Variants in GUCA1A observed in about 807,000 individuals in gnomAD.
The protein encoded by GUCA1A is guanylate cyclase activator 1A, also known as guanylyl cyclase-activating protein 1.
Under a neutral mutation model 18.5 loss-of-function variants are expected in GUCA1A, and 14 were observed. That is an observed-to-expected ratio of 0.76 (90% CI 0.50 to 1.18). GUCA1A has a LOEUF of 1.18. Ranked by LOEUF, GUCA1A falls within the 50% of genes most tolerant of loss-of-function variation. GUCA1A has a pLI of 0.00. For synonymous variants in GUCA1A, 97 were observed against 100.2 expected, an observed-to-expected ratio of 0.97 and a Z score of 0.19; for missense variants, 264 against 262.4, an observed-to-expected ratio of 1.01 and a Z score of -0.04.
intron 1 of GUCA1A, among the ~76,000 whole-genome samples, chr6:42,175,772 GCCT>G (rs1243967519): frequency 6.6e-6 from 1 of 152,012 alleles, no homozygotes; most frequent in Non-Finnish European, 1.5e-5. Context: ...AGGCAGTCTG[GCCT>G]CCTCCCTTAT....
chr6:42,175,268 AC>A, intron 1 of GUCA1A, among the ~76,000 whole-genome samples: 1 of 142,850 alleles, frequency 7.0e-6, no homozygotes, highest in East Asian at 2.1e-4. Flanking sequence ...CTGCAGAAGG[AC>A]CCTTACAGTC....
At chr6:42,176,909 T>C (rs1366318584) in intron 1 of GUCA1A, among the ~76,000 whole-genome samples, 1 of 152,232 alleles carries the variant, frequency 6.6e-6, no homozygotes, top group East Asian at 1.9e-4. Context: ...AGCTGCATAT[T>C]TACTCTTTGG....
At chr6:42,175,130 C>T (rs939783142) in intron 1 of GUCA1A, among the ~76,000 whole-genome samples, 1 of 152,024 alleles carries the variant, frequency 6.6e-6, no homozygotes, top group Admixed American at 6.6e-5. Flanking sequence ...AAAATGCTCC[C>T]GAAGAAGGAA....
Position 42,173,480 on chromosome 6 carries a change from CCTT to C in GUCA1A, c.-130_-128del. 6 of 719,754 alleles carry C rather than the reference CCTT, an allele frequency of 8.3e-6. No homozygotes were observed. Among genetic ancestry groups the C allele is most frequent in the Non-Finnish European group, 1.5e-5 (6 of 399,240 alleles). 44.6% of individuals were successfully genotyped at this position (719,754 alleles called of 1,614,324 possible). On this transcript the variant is annotated 5_prime_UTR_variant, in exon 1 of 4. Coordinates refer to ENST00000372958, the MANE Select transcript of GUCA1A (RefSeq NM_001384910.1). ...CCCGGTACCATCTGATCCATCAGGCCCTTCTTTGCTCAGGCCTGAAGGACTCAG... is the reference window on the plus strand; with the variant it reads ...CCCGGTACCATCTGATCCATCAGGCCCTTTGCTCAGGCCTGAAGGACTCAG...
intron 3 of GUCA1A, 30 bp from the exon 4 acceptor site, chr6:42,179,213 T>A (rs1768047048): frequency 1.2e-6 from 2 of 1,603,330 alleles, no homozygotes; most frequent in Non-Finnish European, 1.7e-6. Context: ...AACACCCTCC[T>A]CCCCCTGATT....
rs769478535 is a variant in GUCA1A, at chr6:42,179,330, G to A, written c.533G>A (p.Arg178His). 1 of 1,613,708 alleles carries A rather than the reference G, an allele frequency of 6.2e-7. No homozygotes were observed. Among genetic ancestry groups the A allele is most frequent in the Non-Finnish European group, 8.5e-7 (1 of 1,179,700 alleles). ...CTGACACGAAGCCTGGACCTTACCCGCATCGTGCGCAGGCTCCAGAATGGC... is the reference window on the plus strand; with the variant it reads ...CTGACACGAAGCCTGGACCTTACCCACATCGTGCGCAGGCTCCAGAATGGC... ...DTLTRSLDLT[R>H]IVRRLQNGEQ... The change falls in exon 4 of 4, where the codon CGC becomes CAC. Residue 178 changes from arginine (R) to histidine (H), a missense_variant. Coordinates refer to ENST00000372958, the MANE Select transcript of GUCA1A (RefSeq NM_001384910.1).
rs1767866568 is a variant in GUCA1A at position 42,173,612 on chromosome 6, C to A, written c.-2C>A. On this transcript the variant is annotated 5_prime_UTR_variant, in exon 1 of 4. Coordinates refer to ENST00000372958, the MANE Select transcript of GUCA1A (RefSeq NM_001384910.1). ...GACGTCAGCCCCCTGAAGGCCTGAG[C>A]AATGGGCAACGTGATGGAGGGAAAG... The A allele has an allele frequency of 6.2e-7, 1 of 1,612,910 alleles. No homozygotes were observed. The highest frequency in any genetic ancestry group is 8.5e-7 in the Non-Finnish European group (1 of 1,179,114).
At chr6:42,175,255 T>C (rs1478232406) in intron 1 of GUCA1A, among the ~76,000 whole-genome samples, 3 of 150,808 alleles carry the variant, frequency 2.0e-5, no homozygotes, top group Non-Finnish European at 2.9e-5. Context: ...GGTTAAGACA[T>C]GTCTGCAGAA....
At chr6:42,176,150 GGT>G (rs1261595409) in intron 1 of GUCA1A, among the ~76,000 whole-genome samples, 1 of 152,152 alleles carries the variant, frequency 6.6e-6, no homozygotes, top group Admixed American at 6.5e-5. Flanking sequence ...GATTGTGGCA[GGT>G]GCTTAATAAT....
chr6:42,177,896 C>T (rs924622591), intron 1 of GUCA1A, among the ~76,000 whole-genome samples: 1 of 152,256 alleles, frequency 6.6e-6, no homozygotes, highest in African/African-American at 2.4e-5. Flanking sequence ...TTCCTCCTCC[C>T]ACCTACGCAC....
In GUCA1A at chr6:42,179,341, A is replaced by T; in HGVS notation, c.544A>T (p.Arg182Trp). ...CCTGGACCTTACCCGCATCGTGCGCAGGCTCCAGAATGGCGAGCAAGACGA... is the reference window on the plus strand; with the variant it reads ...CCTGGACCTTACCCGCATCGTGCGCTGGCTCCAGAATGGCGAGCAAGACGA... ...RSLDLTRIVRRLQNGEQDEEG... is the reference protein window; with the variant it reads ...RSLDLTRIVRWLQNGEQDEEG... The change falls in exon 4 of 4, where the codon AGG becomes TGG. Residue 182 changes from arginine (R) to tryptophan (W), a missense_variant. Transcript: ENST00000372958. 5 of 1,613,664 alleles carry T rather than the reference A, an allele frequency of 3.1e-6. No homozygotes were observed. Among genetic ancestry groups the T allele is most frequent in the Non-Finnish European group, 4.2e-6 (5 of 1,179,712 alleles).
chr6:42,178,276 C>A lies in GUCA1A; in HGVS notation c.202-4C>A, dbSNP rs376306552. 6.8e-5 allele frequency: 110 copies of A among 1,613,518 alleles called. 1 individual carries two copies. The African/African-American group carries it at 1.4e-3, about 20-fold the overall frequency. ...GGCTCACGGCGGCCGCGCCCCTCGC[C>A]CAGGACGGCTACATTGATTTCATGG... On this transcript the variant is annotated splice_region_variant and splice_polypyrimidine_tract_variant and intron_variant, in intron 1 of 3. Transcript: ENST00000372958.
In GUCA1A at chr6:42,179,529, C is replaced by T; in HGVS notation, c.*126C>T. On this transcript the variant is annotated 3_prime_UTR_variant, in exon 4 of 4. Transcript: ENST00000372958. Reference sequence around the variant, plus strand: ...GAGGCTTAGCTCGCCTCTTTAGGGTCCATGGTGGCAGCAGAGAGGCAGAAG... The same window carrying T: ...GAGGCTTAGCTCGCCTCTTTAGGGTTCATGGTGGCAGCAGAGAGGCAGAAG... 2 of 777,866 alleles carry T rather than the reference C, an allele frequency of 2.6e-6. No homozygotes were observed. Among genetic ancestry groups the T allele is most frequent in the South Asian group, 2.0e-5 (1 of 50,534 alleles). The allele number at this position is 777,866 out of a possible 1,614,324, so 48.2% of individuals were successfully genotyped here.
intron 1 of GUCA1A, among the ~76,000 whole-genome samples, chr6:42,175,676 AAT>A (rs1315903276): frequency 6.6e-6 from 1 of 152,078 alleles, no homozygotes; most frequent in Non-Finnish European, 1.5e-5. Context: ...ACCATGTCTT[AAT>A]GTGTGTCCCA....
intron 2 of GUCA1A, 89 bp downstream of exon 2, chr6:42,178,518 T>G: frequency 1.6e-6 from 2 of 1,248,530 alleles, no homozygotes; most frequent in Non-Finnish European, 2.3e-6. Flanking sequence ...ATCTCAGGAT[T>G]GAGACAGGAT....
At chr6:42,176,768 C>T (rs1316095553) in intron 1 of GUCA1A, among the ~76,000 whole-genome samples, 1 of 152,144 alleles carries the variant, frequency 6.6e-6, no homozygotes, top group East Asian at 1.9e-4. Flanking sequence ...TAAACAGGGA[C>T]AGGCAAATGA....
rs104893968 is a variant in GUCA1A, at chr6:42,173,762, C to G, written c.149C>G (p.Pro50Arg). 9.9e-6 allele frequency: 16 copies of G among 1,614,156 alleles called. No individual in the cohort carries two copies. The highest frequency in any genetic ancestry group is 1.3e-5 in the African/African-American group (1 of 75,032). Reference protein sequence around the residue: ...RQFFGLKNLSPSASQYVEQMF... With the variant: ...RQFFGLKNLSRSASQYVEQMF... ...TTCTTCGGCCTCAAGAACCTGAGCC[C>G]GTCGGCCAGCCAGTACGTGGAACAG... The change falls in exon 1 of 4, where the codon CCG (proline) becomes CGG (arginine). Residue 50 changes from proline (P) to arginine (R), a missense_variant. Coordinates refer to ENST00000372958, the MANE Select transcript of GUCA1A (RefSeq NM_001384910.1).
chr6:42,176,402 GTTTTTGTTGTTGTTGTTGTTTTGT>G (rs1221535844), intron 1 of GUCA1A, among the ~76,000 whole-genome samples: 3 of 149,820 alleles, frequency 2.0e-5, no homozygotes, highest in South Asian at 2.1e-4. Flanking sequence ...GGATTGGGAA[GTTTTTGTTGTTGTTGTTGTTTTGT>G]TTTTTGTTGT....
rs1295941982 is a variant in GUCA1A, at chr6:42,173,677, T to C, written c.64T>C (p.Tyr22His). ...ELSSTECHQW[Y>H]KKFMTECPSG... is the part of the protein sequence containing the mutation. The stretch of plus-strand genomic sequence containing the variant: ...GAGCAGCACCGAGTGCCACCAGTGG[T>C]ACAAGAAGTTCATGACTGAGTGCCC... The change falls in exon 1 of 4, where the codon TAC becomes CAC. Residue 22 changes from tyrosine to histidine, a missense_variant. Physicochemically the swap from Tyr to His is moderately conservative, Grantham distance 83. Transcript: ENST00000372958. 3.7e-6 allele frequency: 6 copies of C among 1,613,974 alleles called. No homozygotes were observed. Among genetic ancestry groups the C allele is most frequent in the Non-Finnish European group, 5.1e-6 (6 of 1,179,816 alleles).
Sources: allele counts gnomAD v4.1 joint callset (sites outside exome capture counted in the v4.1 genomes callset), GRCh38; gene constraint gnomAD v4.1.1; transcripts MANE v1.5; gene names NCBI Gene and HGNC (gene_info 2026-07-23, HGNC 2026-07-21).